HDAC4: variants seen among roughly 807,000 people sequenced by gnomAD.
HDAC4 encodes the protein histone deacetylase 4.
Under a neutral mutation model 135.1 loss-of-function variants are expected in HDAC4, and 16 were observed. That is an observed-to-expected ratio of 0.12 (90% confidence interval 0.08 to 0.18). The LOEUF (loss-of-function observed/expected upper bound fraction) is 0.18, where lower values mean the gene tolerates loss of function less well. Ranked by LOEUF, HDAC4 falls within the 10% of genes least tolerant of loss-of-function variation. The probability of loss-of-function intolerance (pLI) is 1.00; values close to 1 mark genes in which losing one functional copy is unlikely to be tolerated. For missense variants in HDAC4, 1,143 were observed against 1,511.8 expected, an observed-to-expected ratio of 0.76 and a Z score of 4.05; for synonymous variants, 685 against 653.4, an observed-to-expected ratio of 1.05 and a Z score of -0.74.
At chr2:239,186,350 A>C (rs1001054426) in intron 4 of HDAC4, 8 of 152,260 alleles carry the variant, frequency 5.3e-5, no homozygotes, top group African/African-American at 1.4e-4. Flanking sequence ...TCTGTCTGAC[A>C]AACACTATTG....
intron 15 of HDAC4, among the ~76,000 whole-genome samples, chr2:239,106,353 G>A (rs2038130285): frequency 6.6e-6 from 1 of 152,182 alleles, no homozygotes; most frequent in Non-Finnish European, 1.5e-5. Context: ...ATGTAGGGGA[G>A]GGACAAGGAA....
intron 6 of HDAC4, among the ~76,000 whole-genome samples, chr2:239,160,400 C>T: frequency 6.6e-6 from 1 of 152,346 alleles, no homozygotes; most frequent in Middle Eastern, 3.4e-3. Flanking sequence ...CTGGAAGGTG[C>T]CATCTTGTCT....
Position 239,181,273 on chromosome 2 carries a change from A to G in HDAC4, c.340-4710T>C, listed in dbSNP as rs145285570. ...GTGGCAGGAGGTAGGCCCACACCCA[A>G]GGAAGGAGGGAGGAGAGGAGGGGCT... On this transcript the variant is annotated intron_variant, in intron 4 of 26. Transcript: ENST00000543185. Among the ~76,000 whole-genome samples the G allele has an allele frequency of 3.2e-3, 490 of 152,312 alleles. 3 individuals are homozygous for G. The highest frequency in any genetic ancestry group is 0.011 in the African/African-American group (462 of 41,572).
intron 5 of HDAC4, among the ~76,000 whole-genome samples, chr2:239,171,571 C>A (rs2043454871): frequency 6.6e-6 from 1 of 152,158 alleles, no homozygotes; most frequent in African/African-American, 2.4e-5. Flanking sequence ...GAGACTGGGG[C>A]AAAGTCAGTA....
Position 239,141,491 on chromosome 2 carries a change from C to G in HDAC4, c.866-1695G>C, listed in dbSNP as rs543369452. 6.6e-5 allele frequency among the ~76,000 whole-genome samples: 10 copies of G among 152,312 alleles called. No homozygotes were observed. The highest frequency in any genetic ancestry group is 1.3e-4 in the Non-Finnish European group (9 of 68,026). ...TCCAGAGGTAGGCTTCTCCCGCTGC[C>G]GAGGCCATGTTATTTGCACTGTGAG... On this transcript the variant is annotated intron_variant, in intron 8 of 26. Coordinates refer to ENST00000543185, the MANE Select transcript of HDAC4 (RefSeq NM_001378414.1). This position sits in a 1 kb window ranked among gnomAD's most constrained non-coding sequence, Gnocchi z 4.9.
rs2030869013 is a variant in HDAC4, at chr2:239,051,653, G to C, written c.*1444C>G. 6.6e-6 allele frequency: 1 copy of C among 152,578 alleles called. No homozygotes were observed. Among genetic ancestry groups the C allele is most frequent in the Admixed American group, 6.5e-5 (1 of 15,274 alleles). 9.5% of individuals were successfully genotyped at this position (152,578 alleles called of 1,614,324 possible). ...CTTGGAGACGGGAGCGGTTCTGTTA[G>C]AAAATAATTAAAATGAAAGTACAAA... is the stretch of plus-strand genomic sequence containing the variant. On this transcript the variant is annotated 3_prime_UTR_variant, in exon 27 of 27. Coordinates refer to ENST00000543185, the MANE Select transcript of HDAC4 (RefSeq NM_001378414.1).
intron 2 of HDAC4, among the ~76,000 whole-genome samples, chr2:239,330,563 G>A (rs977522599): frequency 5.9e-5 from 9 of 152,240 alleles, no homozygotes; most frequent in African/African-American, 1.9e-4. Flanking sequence ...CGCGCACAGT[G>A]GTTGAAGGCA....
chr2:239,314,864 C>T (rs1173772211), intron 2 of HDAC4, among the ~76,000 whole-genome samples: 1 of 152,198 alleles, frequency 6.6e-6, no homozygotes, highest in Admixed American at 6.5e-5. Context: ...AAGCCAAGGG[C>T]ATTCCAACAT....
At chr2:239,151,123 T>C (rs1196006016) in intron 7 of HDAC4, among the ~76,000 whole-genome samples, 1 of 152,234 alleles carries the variant, frequency 6.6e-6, no homozygotes, top group African/African-American at 2.4e-5. Context: ...GAAAACACAC[T>C]CTGTCCTATT....
intron 11 of HDAC4, among the ~76,000 whole-genome samples, chr2:239,132,667 C>A (rs1387740807): frequency 2.0e-5 from 3 of 152,174 alleles, no homozygotes; most frequent in Non-Finnish European, 4.4e-5. Flanking sequence ...GAGGTGAGAC[C>A]CATGCACACT....
intron 2 of HDAC4, among the ~76,000 whole-genome samples, chr2:239,340,146 C>T (rs767062919): frequency 6.6e-6 from 1 of 152,106 alleles, no homozygotes; most frequent in Non-Finnish European, 1.5e-5. Context: ...GCTGCTCCCT[C>T]ACCCCAGGAC....
At chr2:239,235,411 C>A (rs942841953) in intron 3 of HDAC4, among the ~76,000 whole-genome samples, 1 of 152,246 alleles carries the variant, frequency 6.6e-6, no homozygotes, top group African/African-American at 2.4e-5. Flanking sequence ...GTGGGTCTAA[C>A]TGGGGCACCG....
chr2:239,183,147 C>T (rs770466611), intron 4 of HDAC4, among the ~76,000 whole-genome samples: 1 of 152,278 alleles, frequency 6.6e-6, no homozygotes, highest in South Asian at 2.1e-4. Flanking sequence ...AAAACAAAAC[C>T]AATCATAGCT....
At chr2:239,183,782 T>G (rs2044308742) in intron 4 of HDAC4, among the ~76,000 whole-genome samples, 1 of 152,076 alleles carries the variant, frequency 6.6e-6, no homozygotes, top group African/African-American at 2.4e-5. Context: ...TCAGGTGAGC[T>G]CTAATGCTCA....
chr2:239,165,948 A>G (rs3791520), intron 5 of HDAC4, among the ~76,000 whole-genome samples: 127,351 of 152,128 alleles, frequency 0.84, 53,462 homozygotes, highest in South Asian at 0.95. Context: ...GTTATTTGCT[A>G]AATTTTTTCA....
intron 3 of HDAC4, among the ~76,000 whole-genome samples, chr2:239,218,534 A>T (rs549421421): frequency 5.7e-4 from 86 of 151,046 alleles, no homozygotes; most frequent in Non-Finnish European, 1.1e-3. Context: ...AACCTAGGCA[A>T]TACCATTCAG....
intron 1 of HDAC4, among the ~76,000 whole-genome samples, chr2:239,392,707 G>T (rs1256602580): frequency 1.3e-5 from 2 of 152,194 alleles, no homozygotes; most frequent in Non-Finnish European, 2.9e-5. Context: ...TCCTGGGGGT[G>T]GGTAAGTCCT....
At chr2:239,282,482 TAC>T (rs1190883064) in intron 2 of HDAC4, among the ~76,000 whole-genome samples, 5 of 142,736 alleles carry the variant, frequency 3.5e-5, no homozygotes, top group African/African-American at 1.1e-4. Flanking sequence ...CACACCACTC[TAC>T]ACACAATGAA....
intron 12 of HDAC4, among the ~76,000 whole-genome samples, chr2:239,121,922 T>C (rs2152834140): frequency 6.6e-6 from 1 of 152,270 alleles, no homozygotes; most frequent in East Asian, 1.9e-4. Flanking sequence ...AGAGCTGGCT[T>C]TGGGAGGTGA....
Sources: allele counts gnomAD v4.1 joint callset (sites outside exome capture counted in the v4.1 genomes callset), GRCh38; gene constraint gnomAD v4.1.1; non-coding constraint Gnocchi (gnomAD v3.1); transcripts MANE v1.5; gene names NCBI Gene and HGNC (gene_info 2026-07-23, HGNC 2026-07-21).